The following KANSL1L variants were observed in gnomAD, a reference collection of about 807,000 sequenced individuals.
KANSL1L encodes the protein KAT8 regulatory NSL complex subunit 1 like, also known as KAT8 regulatory NSL complex subunit 1-like protein.
KANSL1L carries 25 observed loss-of-function variants against 108.6 expected under a neutral mutation model. The ratio of observed to expected loss-of-function variants is 0.23; its 90% CI spans 0.17 to 0.32. The LOEUF (loss-of-function observed/expected upper bound fraction) is 0.32, where lower values mean the gene tolerates loss of function less well. KANSL1L is among the 10% of genes least tolerant of loss of function. The pLI is 1.00. For missense variants in KANSL1L, 1,137 were observed against 1,125.7 expected (o/e 1.01, Z -0.14); for synonymous variants, 405 against 395.1 (o/e 1.03, Z -0.30).
chr2:210,032,921 A>G (rs1394327775), intron 8 of KANSL1L: 2 of 152,238 alleles, frequency 1.3e-5, no homozygotes, highest in Non-Finnish European at 2.9e-5. Context: ...GCCAAGAGAA[A>G]CAGGTAAGAG....
At chr2:210,124,137 T>C (rs2095045341) in intron 3 of KANSL1L, among the ~76,000 whole-genome samples, 1 of 152,100 alleles carries the variant, frequency 6.6e-6, no homozygotes, top group Non-Finnish European at 1.5e-5. Context: ...CAACTTAAAC[T>C]ACACAATAAA....
Position 210,059,474 on chromosome 2 carries a change from T to C in KANSL1L, c.1756-15370A>G, listed in dbSNP as rs545449278. 2.6e-5 allele frequency among the ~76,000 whole-genome samples: 4 copies of C among 152,256 alleles called. No homozygotes were observed. In the South Asian group the frequency reaches 8.3e-4, roughly 31 times the overall value. ...GTAGAACAAGGATTACAATCCAGTA[T>C]GAAACCACTAAAATGTGCTGCTTCC... On this transcript the variant is annotated intron_variant, in intron 6 of 14. Coordinates refer to ENST00000281772, the MANE Select transcript of KANSL1L (RefSeq NM_152519.4).
In KANSL1L at chr2:210,079,652, ATATATATATATATG is replaced by A. The variant is rs1559539763; in HGVS notation, c.1551-3910_1551-3897del. On this transcript the variant is annotated intron_variant, in intron 5 of 14. Transcript: ENST00000281772. The stretch of plus-strand genomic sequence containing the variant: ...TATATATATATATATATATATATAT[ATATATATATATATG>A]TATGTGTGTATATATATATATATAT... Among the ~76,000 whole-genome samples, 15 of 20,118 alleles carry A rather than the reference ATATATATATATATG, an allele frequency of 7.5e-4. 1 individual carries two copies. Among genetic ancestry groups the A allele is most frequent in the East Asian group, 8.7e-3 (2 of 230 alleles). The allele number at this position is 20,118 out of a possible 152,430, so 13.2% of individuals were successfully genotyped here.
chr2:210,048,574 T>C (rs1024450247), intron 6 of KANSL1L, among the ~76,000 whole-genome samples: 1 of 151,888 alleles, frequency 6.6e-6, no homozygotes, highest in Admixed American at 6.6e-5. Context: ...TATGTGTGTA[T>C]ATATATATAC....
At chr2:210,028,801 T>G in intron 11 of KANSL1L, 44 bp downstream of exon 11, 1 of 1,381,902 alleles carries the variant, frequency 7.2e-7, no homozygotes. Flanking sequence ...TTAAGTTTAT[T>G]AGGGAAGGAA....
At chr2:210,074,893 G>A (rs1332274392) in intron 6 of KANSL1L, among the ~76,000 whole-genome samples, 1 of 152,128 alleles carries the variant, frequency 6.6e-6, no homozygotes, top group Non-Finnish European at 1.5e-5. Context: ...AGCATATCCA[G>A]CAAGAACTAG....
chr2:210,075,119 T>A (rs777988150), intron 6 of KANSL1L, among the ~76,000 whole-genome samples: 1 of 152,168 alleles, frequency 6.6e-6, no homozygotes, highest in South Asian at 2.1e-4. Flanking sequence ...TTAATAAATA[T>A]CAAACCTAAA....
intron 5 of KANSL1L, among the ~76,000 whole-genome samples, chr2:210,078,908 C>T (rs1438063956): frequency 3.3e-5 from 5 of 152,070 alleles, no homozygotes; most frequent in South Asian, 2.1e-4. Flanking sequence ...CATCATCACA[C>T]GACATTCTTT....
intron 2 of KANSL1L, among the ~76,000 whole-genome samples, chr2:210,143,520 T>G (rs1161110503): frequency 6.6e-6 from 1 of 152,174 alleles, no homozygotes; most frequent in Non-Finnish European, 1.5e-5. Flanking sequence ...TTGTTTTTAA[T>G]GCAGATCCTT....
rs2093978937 is a variant in KANSL1L, at chr2:210,029,103, A to G, written c.2272-134T>C. ...AAATACATTGTTATAAAGTCTGACT[A>G]AAAAATGTTAAGAAAACCAAAAAAT... On this transcript the variant is annotated intron_variant, in intron 10 of 14. Transcript: ENST00000281772. 8 of 736,868 alleles carry G rather than the reference A, an allele frequency of 1.1e-5. No homozygotes were observed. The South Asian group carries it at 1.4e-4, about 13-fold the overall frequency. 45.6% of individuals were successfully genotyped at this position (736,868 alleles called of 1,614,324 possible). A position where few individuals can be genotyped will look rare whatever the true frequency, so the allele number is the denominator to read the frequency against.
rs537180220 is a variant in KANSL1L, at chr2:210,168,041, T to C, written c.-30+3108A>G. Among the ~76,000 whole-genome samples, 12 of 152,198 alleles carry C rather than the reference T, an allele frequency of 7.9e-5. No individual in the cohort carries two copies. The South Asian group carries it at 2.3e-3, about 29-fold the overall frequency. ...CTTTCTAAATGGAACATACTAAAAG[T>C]AATGTAAGATTGTATTTATGATTCA... On this transcript the variant is annotated intron_variant, in intron 1 of 14. Coordinates refer to ENST00000281772, the MANE Select transcript of KANSL1L (RefSeq NM_152519.4).
At chr2:210,023,369 G>A (rs2093888595) in intron 14 of KANSL1L, among the ~76,000 whole-genome samples, 190 bp from the exon 15 acceptor site, 1 of 152,042 alleles carries the variant, frequency 6.6e-6, no homozygotes, top group East Asian at 1.9e-4. Context: ...GTGACTTTTG[G>A]GATTTATTTC....
intron 12 of KANSL1L, 41 bp downstream of exon 12, chr2:210,027,255 A>C (rs780467443): frequency 7.6e-7 from 1 of 1,318,494 alleles, no homozygotes; most frequent in Non-Finnish European, 1.1e-6. Flanking sequence ...GTTTCATAAT[A>C]CATAATGTGC....
At chr2:210,065,588 T>C (rs2094460385) in intron 6 of KANSL1L, among the ~76,000 whole-genome samples, 3 of 143,386 alleles carry the variant, frequency 2.1e-5, no homozygotes, top group South Asian at 4.3e-4. Flanking sequence ...GATTTTTTTT[T>C]TTTTTTTTTT....
At chr2:210,125,422 T>C (rs1454379661) in intron 3 of KANSL1L, among the ~76,000 whole-genome samples, 1 of 152,168 alleles carries the variant, frequency 6.6e-6, no homozygotes, top group Non-Finnish European at 1.5e-5. Flanking sequence ...TTCTCAAACT[T>C]TTCCAAAAAA....
chr2:210,141,562 G>T (rs1318191302), intron 2 of KANSL1L, among the ~76,000 whole-genome samples: 1 of 152,122 alleles, frequency 6.6e-6, no homozygotes, highest in Non-Finnish European at 1.5e-5. Flanking sequence ...CTTGGCCTTG[G>T]ACTTCCCAGC....
intron 3 of KANSL1L, 44 bp downstream of exon 3, chr2:210,128,987 T>A: frequency 6.7e-7 from 1 of 1,490,260 alleles, no homozygotes; most frequent in South Asian, 1.2e-5. Context: ...AATGAAAACA[T>A]TAACAATTTT....
intron 5 of KANSL1L, among the ~76,000 whole-genome samples, chr2:210,076,559 C>T (rs368158119): frequency 6.6e-6 from 1 of 152,026 alleles, no homozygotes; most frequent in South Asian, 2.1e-4. Context: ...TGTAACCCTA[C>T]TACATTTTAG....
chr2:210,079,901 GA>G (rs2094576187), intron 5 of KANSL1L: 1 of 149,190 alleles, frequency 6.7e-6, no homozygotes, highest in African/African-American at 2.5e-5. Flanking sequence ...AACTTGTTCT[GA>G]AAAGGAATTA....
Sources: allele counts gnomAD v4.1 joint callset (sites outside exome capture counted in the v4.1 genomes callset), GRCh38; gene constraint gnomAD v4.1.1; transcripts MANE v1.5; gene names NCBI Gene and HGNC (gene_info 2026-07-23, HGNC 2026-07-21).